Variants in GOSR2 observed in about 807,000 individuals in gnomAD.
GOSR2 encodes 27 kDa Golgi SNARE protein.
A neutral mutation model predicts 27.9 loss-of-function variants in GOSR2; 20 were observed. The ratio of observed to expected loss-of-function variants is 0.72; its 90% confidence interval spans 0.50 to 1.04. The LOEUF (loss-of-function observed/expected upper bound fraction) is 1.04. Ranked by LOEUF, GOSR2 falls within the 50% of genes least tolerant of loss-of-function variation. The pLI is 0.00. For missense variants in GOSR2, 261 were observed against 270.5 expected (o/e 0.97, Z 0.25); for synonymous variants, 91 against 98.8 (o/e 0.92, Z 0.47).
At chr17:46,970,583 G>A (rs1056167725), downstream of GOSR2, among the ~76,000 whole-genome samples, 2 of 146,636 alleles carry the variant, frequency 1.4e-5, no homozygotes, top group Admixed American at 6.8e-5. Context: ...GAGGAGAGAC[G>A]CTGCAACATG....
At chr17:46,937,929 G>A (rs1329883295) in intron 5 of GOSR2, 1 of 155,214 alleles carries the variant, frequency 6.4e-6, no homozygotes, top group Non-Finnish European at 1.4e-5. Flanking sequence ...GTGCAGTGGT[G>A]TGATCTTGGC....
chr17:46,957,315 C>T (rs2090782332), intron 6 of GOSR2, among the ~76,000 whole-genome samples: 1 of 151,486 alleles, frequency 6.6e-6, no homozygotes, highest in Non-Finnish European at 1.5e-5. Flanking sequence ...AAAAAGAAAA[C>T]AAAAAAAGAA....
chr17:46,929,641 G>T, intron 2 of GOSR2, 57 bp downstream of exon 2: 1 of 881,314 alleles, frequency 1.1e-6, no homozygotes, highest in South Asian at 1.3e-5. Flanking sequence ...GTGCTAATGG[G>T]CTGGGCTTCC....
At position 46,935,138 on chromosome 17, in the gene GOSR2, A is replaced by T; in HGVS notation, c.446A>T (p.Asp149Val). Residue 149 changes from aspartate (D) to valine (V), a missense_variant, in exon 5 of 6, where the codon GAT becomes GTT. By Grantham distance (152) the Asp-to-Val change is radical (BLOSUM62 -3). Coordinates refer to ENST00000640051, the MANE Select transcript of GOSR2 (RefSeq NM_004287.5). ...DLILDGHNIL[D>V]GLRTQRLTLK... ...ATTTTAGATGGGCACAATATTTTAG[A>T]TGGACTGAGGACCCAGAGACTGACC... 1 of 1,614,118 alleles carries T rather than the reference A, an allele frequency of 6.2e-7. No homozygotes were observed. Among genetic ancestry groups the T allele is most frequent in the Non-Finnish European group, 8.5e-7 (1 of 1,179,952 alleles).
chr17:46,943,675 A>G (rs1568193323), downstream of GOSR2, among the ~76,000 whole-genome samples: 2 of 152,228 alleles, frequency 1.3e-5, no homozygotes, highest in African/African-American at 4.8e-5. Context: ...TCCCCCATGC[A>G]GGGCCAGCAA....
At chr17:46,935,296 C>G (rs758103181) in intron 5 of GOSR2, 127 bp downstream of exon 5, 1 of 1,563,176 alleles carries the variant, frequency 6.4e-7, no homozygotes, top group African/African-American at 1.4e-5. Flanking sequence ...AGACAGAGCC[C>G]TTGAGTTTGG....
intron 2 of GOSR2, 46 bp downstream of exon 2, chr17:46,929,630 G>A (rs769193144): frequency 3.2e-6 from 3 of 926,536 alleles, no homozygotes; most frequent in Admixed American, 3.4e-5. Context: ...CTGATGACAG[G>A]GTGCTAATGG....
chr17:46,953,067 CG>C (rs1262422977), intron 6 of GOSR2, among the ~76,000 whole-genome samples: 1 of 151,314 alleles, frequency 6.6e-6, no homozygotes, highest in Non-Finnish European at 1.5e-5. Flanking sequence ...TATTATTTTA[CG>C]TAAGTTTTAG....
At position 46,929,561 on chromosome 17, in the gene GOSR2, C is replaced by T. The variant is rs528931142; in HGVS notation, c.71C>T (p.Thr24Met). Reference protein sequence around the residue: ...EIQSCMGRLETADKQSVHIVE... With the variant: ...EIQSCMGRLEMADKQSVHIVE... ...CAGTCTTGCATGGGACGCCTGGAGA[C>T]GGCAGACAAGCAGTCTGTGCACAGT... The change falls in exon 2 of 6, where the codon ACG becomes ATG. Residue 24 changes from threonine (T) to methionine (M), a missense_variant. Thr to Met is a moderately conservative substitution (Grantham distance 81). Transcript: ENST00000640051. The T allele has an allele frequency of 1.1e-5, 17 of 1,557,850 alleles. No homozygotes were observed. Among genetic ancestry groups the T allele is most frequent in the East Asian group, 6.7e-5 (3 of 44,628 alleles).
At chr17:46,935,741 T>C in intron 5 of GOSR2, 1 of 987,768 alleles carries the variant, frequency 1.0e-6, no homozygotes, top group Non-Finnish European at 1.2e-6. Context: ...TAGGTATTCC[T>C]AGAAGCCCTG....
chr17:46,959,639 T>C (rs1318126124), intron 6 of GOSR2, among the ~76,000 whole-genome samples: 1 of 152,204 alleles, frequency 6.6e-6, no homozygotes, highest in Non-Finnish European at 1.5e-5. Context: ...TCATACCAAC[T>C]CCCATGGATA....
intron 1 of GOSR2, among the ~76,000 whole-genome samples, chr17:46,929,042 A>G (rs1457748245): frequency 2.0e-5 from 3 of 152,018 alleles, no homozygotes; most frequent in African/African-American, 7.3e-5. Flanking sequence ...TTAGCCTGTC[A>G]TTCCTCATTA....
chr17:46,964,602 C>T (rs1357207377), intron 6 of GOSR2: 1 of 152,224 alleles, frequency 6.6e-6, no homozygotes, highest in South Asian at 2.1e-4. Flanking sequence ...TCTCAGAGAC[C>T]ATCTAGTCCA....
chr17:46,940,605 AGC>A lies in GOSR2; in HGVS notation c.*1846_*1847del, dbSNP rs1568187936. The A allele has an allele frequency of 6.2e-7, 1 of 1,614,136 alleles. No homozygotes were observed. The highest frequency in any genetic ancestry group is 1.1e-5 in the South Asian group (1 of 91,082). ...ACACTTTGGAGGAAGGTCTGCAGGG[AGC>A]AGCTGAGCCATTTGTTCTTGAACTC... On this transcript the variant is annotated 3_prime_UTR_variant, in exon 6 of 6. Transcript: ENST00000640051.
chr17:46,973,805 G>A (rs1437600669), intron 6 of GOSR2, among the ~76,000 whole-genome samples: 1 of 147,162 alleles, frequency 6.8e-6, no homozygotes, highest in Non-Finnish European at 1.5e-5. Context: ...TTAAATGTGT[G>A]TGCATGCGTG....
At chr17:46,946,840 G>A (rs1030272484), downstream of GOSR2, among the ~76,000 whole-genome samples, 4 of 152,356 alleles carry the variant, frequency 2.6e-5, no homozygotes, top group African/African-American at 7.2e-5. Flanking sequence ...TCTAGCCTGG[G>A]TGACGAAATG....
chr17:46,932,462 T>G, intron 4 of GOSR2: 1 of 597,962 alleles, frequency 1.7e-6, no homozygotes, highest in Non-Finnish European at 3.0e-6. Flanking sequence ...GTTGGGCTGG[T>G]CTGAGACAGA....
At chr17:46,973,179 G>C (rs1461050667) in intron 6 of GOSR2, 2 of 153,804 alleles carry the variant, frequency 1.3e-5, no homozygotes, top group East Asian at 4.0e-4. Flanking sequence ...CCGGATGAGG[G>C]CCATTTCTGC....
rs757420754 is a variant in GOSR2 at position 46,935,035 on chromosome 17, G to A, written c.343G>A (p.Asp115Asn). ...GCCTGTGTTTCTTTCACAGGACTCT[G>A]ACACCACCATACCAATGGACGAATC... Reference protein sequence around the residue: ...LSRTFTTNDSDTTIPMDESLQ... With the variant: ...LSRTFTTNDSNTTIPMDESLQ... The change falls in exon 5 of 6, where the codon GAC (aspartate) becomes AAC (asparagine). Residue 115 changes from aspartate (D) to asparagine (N), a missense_variant. Transcript: ENST00000640051. 1.9e-6 allele frequency: 3 copies of A among 1,613,118 alleles called. No individual in the cohort carries two copies. Among genetic ancestry groups the A allele is most frequent in the East Asian group, 4.5e-5 (2 of 44,880 alleles).
Sources: gnomAD v4.1 joint callset for allele counts (sites outside exome capture counted in the v4.1 genomes callset) on GRCh38, gnomAD v4.1.1 for gene constraint, MANE v1.5 for transcripts, NCBI Gene and HGNC (gene_info 2026-07-23, HGNC 2026-07-21) for gene names.